Variants in SLC1A2 observed in about 807,000 individuals in gnomAD.
SLC1A2 encodes the protein excitatory amino acid transporter 2.
Under a neutral mutation model 48.8 loss-of-function variants are expected in SLC1A2, and 15 were observed. The ratio of observed to expected loss-of-function variants is 0.31; its 90% CI spans 0.21 to 0.47. The LOEUF (loss-of-function observed/expected upper bound fraction) is 0.47, where lower values mean the gene tolerates loss of function less well. SLC1A2 is among the 20% of genes least tolerant of loss of function. SLC1A2 has a pLI of 0.99. For missense variants in SLC1A2, 502 were observed against 730.5 expected (o/e 0.69, Z 3.61); for synonymous variants, 279 against 272.6 (o/e 1.02, Z -0.23).
Position 35,273,242 on chromosome 11 carries a change from C to T in SLC1A2, c.1422-7484G>A, listed in dbSNP as rs995655723. ...GGTGTGGAAGAGGGGTCACTTGAGG[C>T]CCCAAACCCGAGGAAGGCTGGCACA... On this transcript the variant is annotated intron_variant, in intron 9 of 10. Coordinates refer to ENST00000278379, the MANE Select transcript of SLC1A2 (RefSeq NM_004171.4). Among the ~76,000 whole-genome samples the T allele has an allele frequency of 5.3e-5, 8 of 152,234 alleles. 1 individual carries two copies. The South Asian group carries it at 1.7e-3, about 32-fold the overall frequency.
At chr11:35,419,845 C>A, upstream of SLC1A2, 1 of 413,520 alleles carries the variant, frequency 2.4e-6, no homozygotes. This position sits in a 1 kb window ranked among gnomAD's most constrained non-coding sequence, Gnocchi z 5.4. Context: ...TCTCCGCCTC[C>A]CTGGAGCAGC....
At chr11:35,420,135 ATTTTTT>A, upstream of SLC1A2, 1 of 149,282 alleles carries the variant, frequency 6.7e-6, no homozygotes. Context: ...GGAGGCCGGG[ATTTTTT>A]TTTTTTTTTT....
At chr11:35,348,095 G>A (rs1032569131) in intron 1 of SLC1A2, among the ~76,000 whole-genome samples, 2 of 152,210 alleles carry the variant, frequency 1.3e-5, no homozygotes, top group Non-Finnish European at 2.9e-5. Flanking sequence ...CCAGCCCACA[G>A]ACACTATCCC....
At chr11:35,273,343 C>G (rs1850338337) in intron 9 of SLC1A2, among the ~76,000 whole-genome samples, 1 of 152,104 alleles carries the variant, frequency 6.6e-6, no homozygotes, top group Non-Finnish European at 1.5e-5. Context: ...TGGCTAAGAG[C>G]GTGAAGTCCG....
At chr11:35,354,737 A>G (rs1853393769) in intron 1 of SLC1A2, among the ~76,000 whole-genome samples, 1 of 152,128 alleles carries the variant, frequency 6.6e-6, no homozygotes, top group Non-Finnish European at 1.5e-5. Context: ...GCAATTCCTT[A>G]CACTTTTTAC....
At chr11:35,268,410 C>T (rs546820640) in intron 9 of SLC1A2, among the ~76,000 whole-genome samples, 1 of 152,250 alleles carries the variant, frequency 6.6e-6, no homozygotes, top group South Asian at 2.1e-4. Context: ...GGCATGGCGG[C>T]TCATGCCTGT....
At position 35,286,793 on chromosome 11, in the gene SLC1A2, C is replaced by T. The variant is rs764388315; in HGVS notation, c.1250G>A (p.Gly417Asp). ...VAAIFIAQMNGVVLDGGQIVT... is the reference protein window; with the variant it reads ...VAAIFIAQMNDVVLDGGQIVT... ...AATCTGTCCTCCATCCAGGACAACA[C>T]CATTCATTTGGGCTATAAAGATGGC... The change falls in exon 8 of 11, where the codon GGT becomes GAT. Residue 417 changes from glycine (G) to aspartate (D), a missense_variant. Gly to Asp is a moderately conservative substitution (Grantham distance 94). Transcript: ENST00000278379. The T allele has an allele frequency of 2.5e-6, 4 of 1,613,722 alleles. No homozygotes were observed. The highest frequency in any genetic ancestry group is 2.2e-5 in the South Asian group (2 of 91,050).
At chr11:35,317,346 G>T (rs2273687) in intron 2 of SLC1A2, 31 bp downstream of exon 2, 7 of 1,603,066 alleles carry the variant, frequency 4.4e-6, no homozygotes, top group East Asian at 4.5e-5. Context: ...AGAGAAGAGG[G>T]GGCTGGGGGT....
intron 1 of SLC1A2, among the ~76,000 whole-genome samples, chr11:35,362,679 A>G (rs141531220): frequency 8.0e-4 from 122 of 152,360 alleles, no homozygotes; most frequent in African/African-American, 2.8e-3. Context: ...TCATTCCACA[A>G]AAATTTCTTA....
At chr11:35,292,037 T>G (rs1278302014) in intron 7 of SLC1A2, 2 of 467,072 alleles carry the variant, frequency 4.3e-6, no homozygotes, top group African/African-American at 1.9e-5. Flanking sequence ...ATAGCATGCA[T>G]TTATCTGAAA....
intron 1 of SLC1A2, among the ~76,000 whole-genome samples, chr11:35,355,845 A>C (rs1427914824): frequency 6.6e-6 from 1 of 150,856 alleles, no homozygotes; most frequent in East Asian, 1.9e-4. Context: ...AGATCATGCC[A>C]CTGCACTCCA....
At chr11:35,306,404 A>G (rs1307702460) in intron 4 of SLC1A2, among the ~76,000 whole-genome samples, 162 bp from the exon 5 acceptor site, 1 of 152,230 alleles carries the variant, frequency 6.6e-6, no homozygotes, top group Admixed American at 6.5e-5. Flanking sequence ...TTATATGTCT[A>G]TATTTACAAA....
At chr11:35,311,820 G>T (rs1017186340) in intron 4 of SLC1A2, among the ~76,000 whole-genome samples, 37 of 148,032 alleles carry the variant, frequency 2.5e-4, no homozygotes, top group African/African-American at 7.2e-4. Flanking sequence ...ACAACTCAAA[G>T]ACACATTTCC....
intron 1 of SLC1A2, among the ~76,000 whole-genome samples, chr11:35,345,530 G>A (rs1426409642): frequency 6.6e-6 from 1 of 152,162 alleles, no homozygotes; most frequent in Non-Finnish European, 1.5e-5. Context: ...CACCGCCACT[G>A]TGAGCATCTG....
At chr11:35,284,424 C>T (rs1462379432) in intron 8 of SLC1A2, among the ~76,000 whole-genome samples, 1 of 152,056 alleles carries the variant, frequency 6.6e-6, no homozygotes, top group African/African-American at 2.4e-5. Flanking sequence ...TTCTCTGAGC[C>T]TCTGTTTCCT....
chr11:35,390,579 A>G (rs1854733464), intron 1 of SLC1A2: 1 of 152,170 alleles, frequency 6.6e-6, no homozygotes, highest in African/African-American at 2.4e-5. Context: ...AATAAAATGT[A>G]CCATCTCATT....
rs758068394 is a variant in SLC1A2 at position 35,252,964 on chromosome 11, G to A, written c.*7930C>T. 1 of 152,446 alleles carries A rather than the reference G, an allele frequency of 6.6e-6. No individual in the cohort carries two copies. The highest frequency in any genetic ancestry group is 1.5e-5 in the Non-Finnish European group (1 of 68,024). The allele number at this position is 152,446 out of a possible 1,614,324, so 9.4% of individuals were successfully genotyped here. ...AGTCGAGGGTACATCTAATCTGTTT[G>A]TTTAATGAAGAGCAGGTTCAAATAC... On this transcript the variant is annotated 3_prime_UTR_variant, in exon 11 of 11. Transcript: ENST00000278379.
intron 4 of SLC1A2, among the ~76,000 whole-genome samples, chr11:35,310,904 T>C (rs1851667868): frequency 6.6e-6 from 1 of 152,184 alleles, no homozygotes; most frequent in Non-Finnish European, 1.5e-5. Flanking sequence ...CTAAGGAATC[T>C]GTACCCACTG....
At chr11:35,341,677 A>C (rs996386925) in intron 1 of SLC1A2, among the ~76,000 whole-genome samples, 1 of 152,196 alleles carries the variant, frequency 6.6e-6, no homozygotes, top group Non-Finnish European at 1.5e-5. Context: ...ATGGGAGTCC[A>C]AACCGGTATT....
Sources: gnomAD v4.1 joint callset for allele counts (sites outside exome capture counted in the v4.1 genomes callset) on GRCh38, gnomAD v4.1.1 for gene constraint, Gnocchi (gnomAD v3.1) non-coding constraint, MANE v1.5 for transcripts, NCBI Gene and HGNC (gene_info 2026-07-23, HGNC 2026-07-21) for gene names.